The following PDE11A variants were observed in gnomAD, a reference collection of about 807,000 sequenced individuals.
The protein encoded by PDE11A is phosphodiesterase 11A.
PDE11A carries 100 observed loss-of-function variants against 100.5 expected under a neutral mutation model. The ratio of observed to expected loss-of-function variants is 1.00; its 90% CI spans 0.85 to 1.18. The LOEUF is 1.18. Ranked by LOEUF, PDE11A falls within the 50% of genes most tolerant of loss-of-function variation. The pLI is 0.00. For synonymous variants in PDE11A, 381 were observed against 420.8 expected, an observed-to-expected ratio of 0.91 and a Z score of 1.16; for missense variants, 1,141 against 1,152.6, an observed-to-expected ratio of 0.99 and a Z score of 0.15.
intron 19 of PDE11A, 101 bp from the exon 20 acceptor site, chr2:177,629,663 T>C (rs1418233165): frequency 4.9e-6 from 6 of 1,216,920 alleles, no homozygotes; most frequent in Admixed American, 3.5e-5. Context: ...AAACTGGCTA[T>C]AGGAAATGAA....
chr2:177,951,213 A>T (rs1274194893), intron 2 of PDE11A, among the ~76,000 whole-genome samples: 1 of 152,220 alleles, frequency 6.6e-6, no homozygotes, highest in African/African-American at 2.4e-5. Context: ...TGATATTTAT[A>T]AGGAGCCAGG....
intron 12 of PDE11A, among the ~76,000 whole-genome samples, chr2:177,713,933 AT>A (rs1037021938): frequency 8.7e-5 from 8 of 91,760 alleles, no homozygotes; most frequent in Admixed American, 3.3e-4. Flanking sequence ...ACTACTTTCT[AT>A]TTTCTTTTTC....
At chr2:177,697,514 G>A (rs2081131822) in intron 14 of PDE11A, 82 bp from the exon 15 acceptor site, 2 of 756,832 alleles carry the variant, frequency 2.6e-6, no homozygotes, top group African/African-American at 3.5e-5. Flanking sequence ...TTAAAAAAAA[G>A]TCTGGGAACA....
chr2:177,697,546 A>T, intron 14 of PDE11A, 114 bp from the exon 15 acceptor site: 1 of 666,684 alleles, frequency 1.5e-6, no homozygotes, highest in South Asian at 1.6e-5. Flanking sequence ...ACTTTTTAAA[A>T]AGCATAGTGA....
At chr2:177,997,323 A>C (rs1409036698) in intron 2 of PDE11A, 1 of 914,462 alleles carries the variant, frequency 1.1e-6, no homozygotes, top group African/African-American at 1.6e-5. Flanking sequence ...GGAGGATTAT[A>C]AATCTGCCTG....
intron 2 of PDE11A, among the ~76,000 whole-genome samples, chr2:178,091,983 A>T (rs79387675): frequency 0.089 from 13,587 of 152,110 alleles, 674 homozygotes; most frequent in Middle Eastern, 0.13. Flanking sequence ...TTTTATTTTA[A>T]GTCACCCAAG....
chr2:177,871,095 A>C (rs1176094388), intron 5 of PDE11A, among the ~76,000 whole-genome samples: 1 of 152,172 alleles, frequency 6.6e-6, no homozygotes, highest in East Asian at 1.9e-4. Flanking sequence ...GTCCACATAA[A>C]AGGTTTAACA....
At chr2:177,737,589 T>C (rs1047316773) in intron 10 of PDE11A, among the ~76,000 whole-genome samples, 3 of 60,954 alleles carry the variant, frequency 4.9e-5, no homozygotes, top group Non-Finnish European at 1.5e-4. Context: ...CGACTCTGTC[T>C]CAAAAAAAAA....
At position 177,624,168 on chromosome 2, in the gene PDE11A, G is replaced by A. The variant is rs1471392843; in HGVS notation, c.*5239C>T. 6.6e-6 allele frequency: 1 copy of A among 151,864 alleles called. No individual in the cohort carries two copies. The highest frequency in any genetic ancestry group is 1.5e-5 in the Non-Finnish European group (1 of 67,978). 9.4% of individuals were successfully genotyped at this position (151,864 alleles called of 1,614,324 possible). On this transcript the variant is annotated 3_prime_UTR_variant, in exon 20 of 20. Coordinates refer to ENST00000286063, the MANE Select transcript of PDE11A (RefSeq NM_016953.4). ...AGACTGTTACTCTGAAGCAGATAAT[G>A]AAACTTCATTACAGTGGCATTGCCA...
At chr2:177,764,614 C>A (rs1310235651) in intron 10 of PDE11A, among the ~76,000 whole-genome samples, 2 of 152,182 alleles carry the variant, frequency 1.3e-5, no homozygotes, top group Non-Finnish European at 2.9e-5. Flanking sequence ...AACCAGCCAT[C>A]TTCAAGGAGA....
intron 6 of PDE11A, among the ~76,000 whole-genome samples, chr2:177,825,368 A>G (rs1338241358): frequency 6.6e-6 from 1 of 152,200 alleles, no homozygotes; most frequent in African/African-American, 2.4e-5. Flanking sequence ...GTGATGATCA[A>G]CATGCTTGAT....
intron 3 of PDE11A, among the ~76,000 whole-genome samples, chr2:177,904,632 G>T (rs939267825): frequency 6.8e-5 from 10 of 147,436 alleles, no homozygotes; most frequent in African/African-American, 2.5e-4. Flanking sequence ...TCCACTCACT[G>T]TGACCTCCGC....
At chr2:177,937,294 C>A (rs1228637242) in intron 2 of PDE11A, among the ~76,000 whole-genome samples, 3 of 147,874 alleles carry the variant, frequency 2.0e-5, no homozygotes, top group Non-Finnish European at 4.5e-5. Context: ...TGATTAAAAA[C>A]AGAAATTTCA....
At chr2:178,014,743 T>C (rs9679090) in intron 1 of PDE11A, among the ~76,000 whole-genome samples, 91,804 of 152,006 alleles carry the variant, frequency 0.6, 29,102 homozygotes, top group Admixed American at 0.71. Context: ...GCGATTTATG[T>C]GATTTATGAA....
intron 2 of PDE11A, among the ~76,000 whole-genome samples, chr2:178,082,936 T>G (rs1391715047): frequency 6.6e-6 from 1 of 152,122 alleles, no homozygotes; most frequent in Non-Finnish European, 1.5e-5. Context: ...CACACAATCA[T>G]GGCTGAGAAC....
intron 1 of PDE11A, among the ~76,000 whole-genome samples, chr2:178,022,465 G>C (rs1482683784): frequency 2.2e-5 from 3 of 134,150 alleles, no homozygotes; most frequent in African/African-American, 5.5e-5. Flanking sequence ...TTTAGATATA[G>C]ATACAGACAT....
At chr2:177,918,781 A>G (rs1327114963) in intron 2 of PDE11A, among the ~76,000 whole-genome samples, 2 of 152,214 alleles carry the variant, frequency 1.3e-5, no homozygotes, top group African/African-American at 4.8e-5. Flanking sequence ...AAGTTCTTCA[A>G]GAAGACCTGA....
At chr2:177,851,086 C>A (rs979165789) in intron 5 of PDE11A, among the ~76,000 whole-genome samples, 2 of 152,046 alleles carry the variant, frequency 1.3e-5, no homozygotes, top group African/African-American at 4.8e-5. Flanking sequence ...CACATGCACA[C>A]GTATGTTTAT....
Position 177,669,556 on chromosome 2 carries a change from A to G in PDE11A, c.2499T>C (p.Leu833=). The stretch of plus-strand genomic sequence containing the variant: ...CTTGTTCGAAGAACTCACTGGTTAC[A>G]AGTTCTGCCACCTGAAACATATAAA... The part of the protein sequence containing the change: ...PWEISRQVAE[L]VTSEFFEQGD... Residue 833 remains leucine (L), a synonymous_variant, in exon 18 of 20, where the codon CTT becomes CTC. Transcript: ENST00000286063. The G allele has an allele frequency of 7.0e-7, 1 of 1,433,184 alleles. No homozygotes were observed. Among genetic ancestry groups the G allele is most frequent in the South Asian group, 1.1e-5 (1 of 87,422 alleles). The allele number at this position is 1,433,184 out of a possible 1,614,324, so 88.8% of individuals were successfully genotyped here. A position where few individuals can be genotyped will look rare whatever the true frequency, so the allele number is the denominator to read the frequency against.
Sources: gnomAD v4.1 joint callset for allele counts (sites outside exome capture counted in the v4.1 genomes callset) on GRCh38, gnomAD v4.1.1 for gene constraint, MANE v1.5 for transcripts, NCBI Gene and HGNC (gene_info 2026-07-23, HGNC 2026-07-21) for gene names.